The following GRK3 variants were observed in gnomAD, a reference collection of about 807,000 sequenced individuals.
GRK3 encodes the protein adrenergic, beta, receptor kinase 2.
A neutral mutation model predicts 95.7 loss-of-function variants in GRK3; 54 were observed. The ratio of observed to expected loss-of-function variants is 0.56; its 90% confidence interval spans 0.45 to 0.71. The LOEUF (loss-of-function observed/expected upper bound fraction) is 0.71, where lower values mean the gene tolerates loss of function less well. Ranked by LOEUF, GRK3 falls within the 30% of genes least tolerant of loss-of-function variation. The pLI is 0.00. For synonymous variants in GRK3, 281 were observed against 290.8 expected (o/e 0.97, Z 0.34); for missense variants, 649 against 851.2 (o/e 0.76, Z 2.96).
chr22:25,674,728 T>A (rs1248987761), intron 8 of GRK3, among the ~76,000 whole-genome samples, 200 bp downstream of exon 8: 1 of 152,054 alleles, frequency 6.6e-6, no homozygotes, highest in African/African-American at 2.4e-5. Flanking sequence ...GGCGGGTGGA[T>A]CACGAGGTCA....
At chr22:25,584,119 C>T (rs1179768414) in intron 1 of GRK3, among the ~76,000 whole-genome samples, 1 of 152,162 alleles carries the variant, frequency 6.6e-6, no homozygotes, top group Non-Finnish European at 1.5e-5. Context: ...AGTACTTTTT[C>T]TGGAAGACTT....
At chr22:25,682,073 C>G (rs142298984) in intron 9 of GRK3, among the ~76,000 whole-genome samples, 333 of 152,134 alleles carry the variant, frequency 2.2e-3, no homozygotes, top group Admixed American at 4.1e-3. Flanking sequence ...CCTTCACCTG[C>G]GTGTTTATTT....
chr22:25,585,139 G>T (rs1254581858), intron 1 of GRK3, among the ~76,000 whole-genome samples: 5 of 152,266 alleles, frequency 3.3e-5, no homozygotes, highest in African/African-American at 4.8e-5. Context: ...TGCCTGCCTC[G>T]CTATAGGGCC....
intron 9 of GRK3, among the ~76,000 whole-genome samples, chr22:25,679,758 G>T (rs1026166956): frequency 6.6e-6 from 1 of 152,182 alleles, no homozygotes; most frequent in African/African-American, 2.4e-5. Flanking sequence ...TGGGGTGAGC[G>T]TGGAGGGGCC....
chr22:25,672,729 A>G (rs1365322523), intron 7 of GRK3, among the ~76,000 whole-genome samples: 2 of 152,170 alleles, frequency 1.3e-5, no homozygotes, highest in Non-Finnish European at 1.5e-5. Flanking sequence ...CAAATTGAGT[A>G]TCATAATGAA....
At chr22:25,683,336 T>C (rs1180482247) in intron 9 of GRK3, among the ~76,000 whole-genome samples, 1 of 152,242 alleles carries the variant, frequency 6.6e-6, no homozygotes, top group Non-Finnish European at 1.5e-5. Context: ...TTGAATATTC[T>C]TGTCCAGGTA....
intron 2 of GRK3, among the ~76,000 whole-genome samples, chr22:25,628,810 C>T (rs2084644986): frequency 6.6e-6 from 1 of 152,180 alleles, no homozygotes; most frequent in African/African-American, 2.4e-5. Flanking sequence ...GGCTTTTCTC[C>T]ATGCACTTCC....
intron 1 of GRK3, among the ~76,000 whole-genome samples, chr22:25,587,264 GGAGGCTGCAAC>G (rs1932346395): frequency 6.6e-6 from 1 of 152,072 alleles, no homozygotes; most frequent in South Asian, 2.1e-4. Flanking sequence ...TTGGAAACAA[GGAGGCTGCAAC>G]CCTCCCTGCA....
chr22:25,714,879 G>C (rs951123533), intron 18 of GRK3, among the ~76,000 whole-genome samples: 3 of 152,038 alleles, frequency 2.0e-5, no homozygotes, highest in Admixed American at 1.3e-4. Context: ...TCTGGAGTGG[G>C]GTTGGTGTCA....
chr22:25,620,357 T>C (rs951201461), intron 2 of GRK3, among the ~76,000 whole-genome samples: 4 of 152,030 alleles, frequency 2.6e-5, no homozygotes, highest in Non-Finnish European at 5.9e-5. Flanking sequence ...TGGGGATATG[T>C]GAGGGCCATT....
At chr22:25,652,404 A>G (rs1032064059) in intron 3 of GRK3, among the ~76,000 whole-genome samples, 4 of 152,198 alleles carry the variant, frequency 2.6e-5, no homozygotes, top group Non-Finnish European at 5.9e-5. Flanking sequence ...TGCAGGGAGA[A>G]ATGGAGAGCA....
intron 1 of GRK3, among the ~76,000 whole-genome samples, chr22:25,589,792 A>G (rs898541993): frequency 2.6e-5 from 4 of 152,220 alleles, no homozygotes; most frequent in African/African-American, 9.6e-5. Context: ...AAGAGGTTTG[A>G]TGGACTCACA....
At chr22:25,615,799 G>A (rs551437022) in intron 2 of GRK3, among the ~76,000 whole-genome samples, 123 of 145,962 alleles carry the variant, frequency 8.4e-4, no homozygotes, top group African/African-American at 3.0e-3. Flanking sequence ...GGGAGTGCTC[G>A]TGCACATGGT....
chr22:25,611,689 G>A (rs1377335666), intron 2 of GRK3, among the ~76,000 whole-genome samples: 3 of 152,108 alleles, frequency 2.0e-5, no homozygotes, highest in Non-Finnish European at 2.9e-5. Context: ...TGTTGTTTAT[G>A]TATGATTTAC....
intron 3 of GRK3, chr22:25,648,678 T>A (rs537643685): frequency 9.7e-7 from 1 of 1,035,526 alleles, no homozygotes; most frequent in East Asian, 2.4e-5. Flanking sequence ...CTTATTCAAT[T>A]TCCTTAAGGA....
At chr22:25,583,595 C>CA in intron 1 of GRK3, among the ~76,000 whole-genome samples, 1 of 152,212 alleles carries the variant, frequency 6.6e-6, no homozygotes, top group African/African-American at 2.4e-5. Flanking sequence ...TCCTTGAAGG[C>CA]AGGGGATGAG....
chr22:25,608,574 T>C (rs866471230), intron 2 of GRK3, among the ~76,000 whole-genome samples: 27 of 152,334 alleles, frequency 1.8e-4, no homozygotes, highest in Admixed American at 5.9e-4. Context: ...GATTCCACAC[T>C]GTTGCTAGCT....
intron 1 of GRK3, among the ~76,000 whole-genome samples, chr22:25,588,734 T>C (rs1932399775): frequency 6.6e-6 from 1 of 152,068 alleles, no homozygotes; most frequent in Non-Finnish European, 1.5e-5. Context: ...GGGTCAGTAA[T>C]GGTAACAATT....
chr22:25,639,062 T>C (rs1387596627), intron 2 of GRK3, among the ~76,000 whole-genome samples: 1 of 152,218 alleles, frequency 6.6e-6, no homozygotes, highest in Non-Finnish European at 1.5e-5. Context: ...TCTTTTAACA[T>C]GGATTTGTAA....
Sources: gnomAD v4.1 joint callset for allele counts (sites outside exome capture counted in the v4.1 genomes callset) on GRCh38, gnomAD v4.1.1 for gene constraint, MANE v1.5 for transcripts, NCBI Gene and HGNC (gene_info 2026-07-23, HGNC 2026-07-21) for gene names.